CAPN13: variants seen among roughly 807,000 people sequenced by gnomAD.
CAPN13 encodes calpain 13, also known as calpain-13.
CAPN13 carries 90 observed loss-of-function variants against 98.4 expected under a neutral mutation model. The ratio of observed to expected loss-of-function variants is 0.92; its 90% CI spans 0.77 to 1.09. CAPN13 has a LOEUF of 1.09. CAPN13 is among the 50% of genes least tolerant of loss of function. The pLI is 0.00. For missense variants in CAPN13, 887 were observed against 841.3 expected (o/e 1.05, Z -0.67); for synonymous variants, 330 against 305.5 (o/e 1.08, Z -0.84).
intron 11 of CAPN13, among the ~76,000 whole-genome samples, chr2:30,747,844 G>T (rs1671990580): frequency 1.3e-5 from 2 of 152,242 alleles, no homozygotes; most frequent in African/African-American, 2.4e-5. Context: ...TCAGGATCTT[G>T]CAAGATCTGC....
intron 5 of CAPN13, among the ~76,000 whole-genome samples, chr2:30,767,337 C>T (rs1395210166): frequency 2.0e-5 from 3 of 152,168 alleles, no homozygotes; most frequent in African/African-American, 4.8e-5. Context: ...TAGTTTGAGA[C>T]ATTGTATCCT....
Position 30,764,181 on chromosome 2 carries a change from T to C in CAPN13, c.650A>G (p.Lys217Arg). The C allele has an allele frequency of 6.2e-7, 1 of 1,602,886 alleles. No individual in the cohort carries two copies. Among genetic ancestry groups the C allele is most frequent in the Non-Finnish European group, 8.5e-7 (1 of 1,174,648 alleles). The change falls in exon 6 of 23, where the codon AAG (lysine) becomes AGG (arginine). Residue 217 changes from lysine (K) to arginine (R), a missense_variant. Physicochemically the swap from Lys to Arg is conservative, Grantham distance 26 (BLOSUM62 2). Transcript: ENST00000295055. ...SSPVDLVKAV[K>R]TATKAGSLIT... is the part of the protein sequence containing the mutation. ...CAGGGAGCCTGCCTTGGTCGCTGTC[T>C]TCACTGCCTTCACCAGGTCCACAGG...
Position 30,807,377 on chromosome 2 carries a change from T to C in CAPN13, c.-108A>G, listed in dbSNP as rs986166066. 2 of 152,494 alleles carry C rather than the reference T, an allele frequency of 1.3e-5. No individual in the cohort carries two copies. The highest frequency in any genetic ancestry group is 4.8e-5 in the African/African-American group (2 of 41,388). 9.4% of individuals were successfully genotyped at this position (152,494 alleles called of 1,614,324 possible). On this transcript the variant is annotated 5_prime_UTR_variant, in exon 1 of 23. Transcript: ENST00000295055. ...CACAGGCTCTCAGGTTAGAGAGTGGTGGAGGAGACTGGCAGAGGAGGAGAG... is the reference window on the plus strand; with the variant it reads ...CACAGGCTCTCAGGTTAGAGAGTGGCGGAGGAGACTGGCAGAGGAGGAGAG...
At chr2:30,757,963 A>G (rs1359517712) in intron 8 of CAPN13, 83 bp downstream of exon 8, 1 of 1,018,592 alleles carries the variant, frequency 9.8e-7, no homozygotes, top group Non-Finnish European at 1.4e-6. Context: ...CAGTGGCTAG[A>G]TAGCCCCTGC....
At chr2:30,726,031 G>A (rs1483386334) in intron 22 of CAPN13, among the ~76,000 whole-genome samples, 1 of 152,146 alleles carries the variant, frequency 6.6e-6, no homozygotes, top group East Asian at 1.9e-4. Context: ...ACAAAACAAA[G>A]GAAGGTATAA....
intron 7 of CAPN13, among the ~76,000 whole-genome samples, chr2:30,759,902 G>C (rs1056033348): frequency 6.6e-6 from 1 of 152,114 alleles, no homozygotes; most frequent in East Asian, 1.9e-4. Context: ...GTCACACATG[G>C]GCCCAGGAGC....
chr2:30,731,596 ACCT>A (rs923104537), intron 20 of CAPN13, among the ~76,000 whole-genome samples, 197 bp from the exon 21 acceptor site: 45 of 152,096 alleles, frequency 3.0e-4, no homozygotes, highest in African/African-American at 9.6e-4. Context: ...CTCAGGGCTC[ACCT>A]CCTCAGAGGG....
At chr2:30,741,716 T>A (rs1156463942) in intron 15 of CAPN13, 192 bp downstream of exon 15, 9 of 1,437,880 alleles carry the variant, frequency 6.3e-6, no homozygotes, top group Non-Finnish European at 8.2e-6. Flanking sequence ...TGACACTGGG[T>A]GGGGCGCCAC....
chr2:30,800,125 AAAGAAAGAAAGAAAG>A (rs1558351410), intron 1 of CAPN13, among the ~76,000 whole-genome samples: 2 of 115,438 alleles, frequency 1.7e-5, no homozygotes, highest in African/African-American at 7.7e-5. Flanking sequence ...GAAAAGAAAG[AAAGAAAGAAAGAAAG>A]AAAGAAAGAA....
intron 6 of CAPN13, among the ~76,000 whole-genome samples, chr2:30,763,576 C>T (rs990260963): frequency 6.6e-6 from 1 of 152,166 alleles, no homozygotes; most frequent in Non-Finnish European, 1.5e-5. Context: ...TGACTCAAAG[C>T]CCACATGTTT....
At chr2:30,759,310 G>A (rs1558315752) in intron 7 of CAPN13, among the ~76,000 whole-genome samples, 1 of 152,064 alleles carries the variant, frequency 6.6e-6, no homozygotes, top group South Asian at 2.1e-4. Flanking sequence ...CAGATAAGGA[G>A]GTCTACCCCT....
chr2:30,787,265 A>G lies in CAPN13; in HGVS notation c.61T>C (p.Phe21Leu). The change falls in exon 2 of 23, where the codon TTT becomes CTT. Residue 21 changes from phenylalanine (F) to leucine (L), a missense_variant. Transcript: ENST00000295055. ...AGGCAGTGATCCCGCAAGGTGGTAA[A>G]GTCCTGGTCTTTGAACTTGATGATG... is the stretch of plus-strand genomic sequence containing the variant. ...TSIIKFKDQDFTTLRDHCLSM... is the reference protein window; with the variant it reads ...TSIIKFKDQDLTTLRDHCLSM... The G allele has an allele frequency of 6.2e-7, 1 of 1,613,442 alleles. No individual in the cohort carries two copies. Among genetic ancestry groups the G allele is most frequent in the Non-Finnish European group, 8.5e-7 (1 of 1,179,760 alleles).
Position 30,764,188 on chromosome 2 carries a change from C to A in CAPN13, c.643G>T (p.Ala215Ser), listed in dbSNP as rs372495959. Reference protein sequence around the residue: ...LHSSPVDLVKAVKTATKAGSL... With the variant: ...LHSSPVDLVKSVKTATKAGSL... ...CCTGCCTTGGTCGCTGTCTTCACTG[C>A]CTTCACCAGGTCCACAGGGGAAGAG... is the stretch of plus-strand genomic sequence containing the variant. Residue 215 changes from alanine (A) to serine (S), a missense_variant, in exon 6 of 23, where the codon GCA becomes TCA. Ala to Ser is a moderately conservative substitution (Grantham distance 99). Coordinates refer to ENST00000295055, the MANE Select transcript of CAPN13 (RefSeq NM_144575.3). The A allele has an allele frequency of 4.2e-5, 68 of 1,605,820 alleles. No homozygotes were observed. Among genetic ancestry groups the A allele is most frequent in the Non-Finnish European group, 5.5e-5 (65 of 1,176,174 alleles).
intron 2 of CAPN13, among the ~76,000 whole-genome samples, chr2:30,783,072 G>A (rs1308350561): frequency 1.2e-4 from 19 of 152,186 alleles, no homozygotes. Context: ...GAGGATGATA[G>A]TATTATCTAC....
chr2:30,795,439 T>C (rs2148095591), intron 1 of CAPN13, among the ~76,000 whole-genome samples: 1 of 152,224 alleles, frequency 6.6e-6, no homozygotes, highest in South Asian at 2.1e-4. Flanking sequence ...TGGCAGGCTT[T>C]TTATTTGTAC....
At chr2:30,763,603 T>C (rs967560293) in intron 6 of CAPN13, among the ~76,000 whole-genome samples, 1 of 152,202 alleles carries the variant, frequency 6.6e-6, no homozygotes, top group Non-Finnish European at 1.5e-5. Context: ...GAAGGAAGCA[T>C]CCCCATGGAT....
intron 8 of CAPN13, among the ~76,000 whole-genome samples, chr2:30,757,800 T>C (rs530407627): frequency 1.3e-5 from 2 of 152,344 alleles, no homozygotes; most frequent in South Asian, 2.1e-4. Flanking sequence ...GTCATCCATA[T>C]ATACCTCACA....
At chr2:30,760,465 T>C (rs1672788636) in intron 7 of CAPN13, among the ~76,000 whole-genome samples, 1 of 152,102 alleles carries the variant, frequency 6.6e-6, no homozygotes, top group Non-Finnish European at 1.5e-5. Flanking sequence ...CAGCCTGCGA[T>C]TCAAAGGGGC....
chr2:30,769,537 C>T (rs1446914482), intron 5 of CAPN13, among the ~76,000 whole-genome samples: 1 of 152,178 alleles, frequency 6.6e-6, no homozygotes, highest in Non-Finnish European at 1.5e-5. Context: ...ACCCCCCATC[C>T]ACAGTCCTGC....
Sources: gnomAD v4.1 joint callset for allele counts (sites outside exome capture counted in the v4.1 genomes callset) on GRCh38, gnomAD v4.1.1 for gene constraint, MANE v1.5 for transcripts, NCBI Gene and HGNC (gene_info 2026-07-23, HGNC 2026-07-21) for gene names.